The following NFYC variants were observed in gnomAD, a reference collection of about 807,000 sequenced individuals.
NFYC encodes CAAT box DNA-binding protein subunit C.
A neutral mutation model predicts 53.1 loss-of-function variants in NFYC; 25 were observed. The observed-to-expected ratio is 0.47, with a 90% confidence interval of 0.34 to 0.66. The LOEUF is 0.66. NFYC is among the 30% of genes least tolerant of loss of function. The pLI is 0.01. For missense variants in NFYC, 260 were observed against 422.7 expected, an observed-to-expected ratio of 0.62 and a Z score of 3.38; for synonymous variants, 145 against 152.6, an observed-to-expected ratio of 0.95 and a Z score of 0.37.
In NFYC at chr1:40,738,698, T is replaced by A. The variant is rs1050268571; in HGVS notation, c.-8-138T>A. 6.6e-6 allele frequency: 4 copies of A among 609,914 alleles called. No individual in the cohort carries two copies. In the African/African-American group the frequency reaches 7.4e-5, roughly 11 times the overall value. The allele number at this position is 609,914 out of a possible 1,614,324, so 37.8% of individuals were successfully genotyped here. ...ATGTAAGTCTGTGTTAAAATCTTTT[T>A]AGCGTAATTATATACCTTATCAAAC... is the stretch of plus-strand genomic sequence containing the variant. On this transcript the variant is annotated intron_variant, in intron 1 of 9. Transcript: ENST00000447388.
At position 40,714,512 on chromosome 1, in the gene NFYC, G is replaced by T. The variant is rs932595074; in HGVS notation, c.-9+22645G>T. On this transcript the variant is annotated intron_variant, in intron 1 of 9. Transcript: ENST00000447388. ...TTGAAAGAATGAGGGCTTGAACGAT[G>T]TAAGTTATGTAATATTTAAGTCCTA... 2.0e-5 allele frequency among the ~76,000 whole-genome samples: 3 copies of T among 152,316 alleles called. 1 individual carries two copies. In the Middle Eastern group the frequency reaches 0.01, roughly 518 times the overall value.
chr1:40,739,115 G>A (rs1386261601), intron 2 of NFYC, among the ~76,000 whole-genome samples, 167 bp downstream of exon 2: 1 of 152,166 alleles, frequency 6.6e-6, no homozygotes. Context: ...TTTGCCTTCC[G>A]TGAGGTAACT....
intron 1 of NFYC, among the ~76,000 whole-genome samples, chr1:40,722,986 C>T (rs1644381266): frequency 6.6e-6 from 1 of 152,136 alleles, no homozygotes; most frequent in South Asian, 2.1e-4. Flanking sequence ...AGAGCTTTTG[C>T]ATTTTGACTC....
At chr1:40,733,805 A>G (rs1436273821) in intron 1 of NFYC, among the ~76,000 whole-genome samples, 1 of 151,856 alleles carries the variant, frequency 6.6e-6, no homozygotes, top group East Asian at 1.9e-4. Flanking sequence ...GTGCAGTGGC[A>G]TTATCTTGAC....
intron 1 of NFYC, among the ~76,000 whole-genome samples, chr1:40,707,114 G>A (rs1479076294): frequency 2.0e-5 from 3 of 151,558 alleles, no homozygotes; most frequent in South Asian, 2.1e-4. Context: ...AGGTTGCTGC[G>A]AGCTGAGATC....
At chr1:40,721,344 A>T (rs1358672906) in intron 1 of NFYC, among the ~76,000 whole-genome samples, 1 of 152,138 alleles carries the variant, frequency 6.6e-6, no homozygotes, top group Non-Finnish European at 1.5e-5. Flanking sequence ...TCACTTCAGG[A>T]TGTTGGATAT....
intron 7 of NFYC, 174 bp downstream of exon 7, chr1:40,763,220 ATGTATGTC>A: frequency 8.0e-6 from 4 of 498,656 alleles, no homozygotes; most frequent in South Asian, 4.9e-5. Flanking sequence ...TGATATATAT[ATGTATGTC>A]TCTATATATA....
rs890098114 is a variant in NFYC at position 40,753,356 on chromosome 1, C to T, written c.387+110C>T. 2.8e-4 allele frequency: 200 copies of T among 712,964 alleles called. No individual in the cohort carries two copies. The East Asian group carries it at 5.0e-3, about 18-fold the overall frequency. 44.2% of individuals were successfully genotyped at this position (712,964 alleles called of 1,614,324 possible). A position where few individuals can be genotyped will look rare whatever the true frequency, so the allele number is the denominator to read the frequency against. ...AAGTCATTTGCTATTCCTTTTGCTT[C>T]TCGTTTCTAGACCAGATTCATTCTT... On this transcript the variant is annotated intron_variant, in intron 5 of 9. Transcript: ENST00000447388.
intron 5 of NFYC, among the ~76,000 whole-genome samples, 174 bp downstream of exon 5, chr1:40,753,420 C>T (rs1332066946): frequency 6.6e-6 from 1 of 152,192 alleles, no homozygotes; most frequent in East Asian, 1.9e-4. Context: ...ATACTTTTAA[C>T]TCAGTGCCTC....
At chr1:40,698,335 C>T (rs1368017818) in intron 1 of NFYC, among the ~76,000 whole-genome samples, 1 of 151,060 alleles carries the variant, frequency 6.6e-6, no homozygotes, top group African/African-American at 2.4e-5. Context: ...GCACTCCAGC[C>T]TGGGTGACAG....
In NFYC at chr1:40,770,805, G is replaced by C. The variant is rs201602186; in HGVS notation, c.985G>C (p.Ala329Pro). ...QSANQPSDGQ[A>P]PQVTGD Reference sequence around the variant, plus strand: ...AGCCAACCAGCCCTCCGACGGGCAGGCCCCCCAGGTGACCGGCGACTGAGG... The same window carrying C: ...AGCCAACCAGCCCTCCGACGGGCAGCCCCCCCAGGTGACCGGCGACTGAGG... The change falls in exon 10 of 10, where the codon GCC becomes CCC. Residue 329 changes from alanine to proline, a missense_variant. Physicochemically the swap from Ala to Pro is conservative, Grantham distance 27. Transcript: ENST00000447388. The surrounding 1 kb of genome is among the most constrained non-coding windows in gnomAD (Gnocchi z 5.3). The C allele has an allele frequency of 1.2e-6, 2 of 1,610,826 alleles. No homozygotes were observed. Among genetic ancestry groups the C allele is most frequent in the Non-Finnish European group, 1.7e-6 (2 of 1,180,008 alleles).
At chr1:40,705,075 G>A (rs966110572) in intron 1 of NFYC, among the ~76,000 whole-genome samples, 4 of 152,172 alleles carry the variant, frequency 2.6e-5, no homozygotes, top group Non-Finnish European at 5.9e-5. Context: ...ATATTACCTT[G>A]TTTAATCCTT....
chr1:40,758,042 G>C (rs1385266325), intron 5 of NFYC, 79 bp from the exon 6 acceptor site: 1 of 1,524,428 alleles, frequency 6.6e-7, no homozygotes, highest in Admixed American at 1.7e-5. Flanking sequence ...TAGCCTGTTT[G>C]GGGGAAGAGT....
intron 3 of NFYC, among the ~76,000 whole-genome samples, chr1:40,748,207 C>T (rs181225497): frequency 2.0e-4 from 31 of 152,262 alleles, no homozygotes; most frequent in Admixed American, 1.8e-3. Context: ...TCACGGCTCA[C>T]TGTAGCCTTC....
chr1:40,707,716 G>A (rs1643771892), intron 1 of NFYC, among the ~76,000 whole-genome samples: 1 of 151,632 alleles, frequency 6.6e-6, no homozygotes, highest in Non-Finnish European at 1.5e-5. Flanking sequence ...GCACACACCT[G>A]TAGTCCTAGC....
Position 40,759,817 on chromosome 1 carries a change from T to C in NFYC, c.561+1523T>C, listed in dbSNP as rs887060287. The stretch of plus-strand genomic sequence containing the variant: ...AGGTGAGAAACAGTACAGGGGGCCG[T>C]AGGAAAGTAGTCAGCGTAGGGGACC... On this transcript the variant is annotated intron_variant, in intron 6 of 9. Coordinates refer to ENST00000447388, the MANE Select transcript of NFYC (RefSeq NM_014223.5). Among the ~76,000 whole-genome samples the C allele has an allele frequency of 9.9e-4, 151 of 152,072 alleles. 2 individuals are homozygous for C. Among genetic ancestry groups the C allele is most frequent in the Non-Finnish European group, 1.9e-4 (13 of 67,980 alleles).
intron 6 of NFYC, among the ~76,000 whole-genome samples, chr1:40,760,648 A>T (rs1325235019): frequency 6.6e-6 from 1 of 151,800 alleles, no homozygotes; most frequent in Admixed American, 6.6e-5. Flanking sequence ...TGAACCTGGG[A>T]GGCGGATGTT....
At chr1:40,710,348 A>G (rs1028225239) in intron 1 of NFYC, among the ~76,000 whole-genome samples, 1 of 152,178 alleles carries the variant, frequency 6.6e-6, no homozygotes, top group Admixed American at 6.5e-5. Context: ...TCCGTATTAA[A>G]TATTTAAAAT....
chr1:40,735,725 C>T, intron 1 of NFYC: 2 of 985,392 alleles, frequency 2.0e-6, no homozygotes, highest in Non-Finnish European at 2.4e-6. Flanking sequence ...AAGATGAGGC[C>T]TGTCCAGGGA....
Sources: gnomAD v4.1 joint callset for allele counts (sites outside exome capture counted in the v4.1 genomes callset) on GRCh38, gnomAD v4.1.1 for gene constraint, Gnocchi (gnomAD v3.1) non-coding constraint, MANE v1.5 for transcripts, NCBI Gene and HGNC (gene_info 2026-07-23, HGNC 2026-07-21) for gene names.